Variants in FRMD6 observed in about 807,000 individuals in gnomAD.
The protein encoded by FRMD6 is FERM domain-containing protein 6.
Under a neutral mutation model 73.2 loss-of-function variants are expected in FRMD6, and 37 were observed. That is an observed-to-expected ratio of 0.51 (90% CI 0.39 to 0.66). The LOEUF (loss-of-function observed/expected upper bound fraction) is 0.66, where lower values mean the gene tolerates loss of function less well. Ranked by LOEUF, FRMD6 falls within the 30% of genes least tolerant of loss-of-function variation. FRMD6 has a pLI of 0.00. For synonymous variants in FRMD6, 273 were observed against 282.2 expected (o/e 0.97, Z 0.33); for missense variants, 714 against 780.5 (o/e 0.91, Z 1.02).
In FRMD6 at chr14:51,702,858, T is replaced by C. The variant is rs1178173261; in HGVS notation, c.371+270T>C. 3.9e-5 allele frequency among the ~76,000 whole-genome samples: 6 copies of C among 151,958 alleles called. No homozygotes were observed. The East Asian group carries it at 1.2e-3, about 29-fold the overall frequency. ...TATTAACAGTATCTATTGGCCCACA[T>C]TTTCTCCACTCCACGTTTTCATAAC... On this transcript the variant is annotated intron_variant, in intron 5 of 13. Transcript: ENST00000344768.
At chr14:51,515,784 C>T (rs1315718158) in intron 1 of FRMD6, among the ~76,000 whole-genome samples, 1 of 143,216 alleles carries the variant, frequency 7.0e-6, no homozygotes, top group African/African-American at 2.6e-5. Context: ...TCAGGGAGAA[C>T]CATTGAGGAA....
chr14:51,449,409 A>G, the FRMD6 span, among the ~76,000 whole-genome samples: 1 of 152,252 alleles, frequency 6.6e-6, no homozygotes, highest in Non-Finnish European at 1.5e-5. Context: ...TGCACAGTGG[A>G]TTTTCCCATC....
At chr14:51,517,097 T>C (rs977621516) in intron 1 of FRMD6, among the ~76,000 whole-genome samples, 2 of 152,266 alleles carry the variant, frequency 1.3e-5, no homozygotes, top group African/African-American at 4.8e-5. Flanking sequence ...TGTTGTATAC[T>C]TTAAGTGTTA....
chr14:51,411,649 T>A, the FRMD6 span, among the ~76,000 whole-genome samples: 2 of 152,242 alleles, frequency 1.3e-5, no homozygotes, highest in Non-Finnish European at 2.9e-5. Context: ...TTTGAATGAG[T>A]CTCTGTTCTC....
At chr14:51,456,578 T>G in the FRMD6 span, among the ~76,000 whole-genome samples, 1 of 152,176 alleles carries the variant, frequency 6.6e-6, no homozygotes, top group African/African-American at 2.4e-5. Context: ...TAATGACCAG[T>G]GATGATGAAC....
At chr14:51,623,205 G>A (rs1246034206) in intron 2 of FRMD6, among the ~76,000 whole-genome samples, 2 of 152,320 alleles carry the variant, frequency 1.3e-5, no homozygotes, top group East Asian at 1.9e-4. Flanking sequence ...AAAGGAATAG[G>A]TGGTTGTTAA....
At chr14:51,675,375 G>T (rs1894314844) in intron 1 of FRMD6, among the ~76,000 whole-genome samples, 1 of 152,100 alleles carries the variant, frequency 6.6e-6, no homozygotes, top group Admixed American at 6.6e-5. Context: ...CTCCACAGGG[G>T]AACTGTAGAT....
intron 1 of FRMD6, among the ~76,000 whole-genome samples, chr14:51,654,317 C>T (rs1342848952): frequency 7.5e-6 from 1 of 132,570 alleles, no homozygotes; most frequent in African/African-American, 2.9e-5. Context: ...GGGGGGGGGT[C>T]TTTTTGTAGT....
intron 1 of FRMD6, among the ~76,000 whole-genome samples, chr14:51,530,634 C>A (rs1243432960): frequency 8.4e-6 from 1 of 119,192 alleles, no homozygotes; most frequent in African/African-American, 3.4e-5. Flanking sequence ...GCATGCACCA[C>A]CACACCCAGC....
the FRMD6 span, among the ~76,000 whole-genome samples, chr14:51,474,813 A>G: frequency 6.6e-6 from 1 of 152,256 alleles, no homozygotes; most frequent in African/African-American, 2.4e-5. Context: ...TGTTTTGTTC[A>G]CAGCGTGACT....
intron 1 of FRMD6, among the ~76,000 whole-genome samples, chr14:51,688,228 C>T (rs1386096967): frequency 6.6e-6 from 1 of 151,992 alleles, no homozygotes; most frequent in East Asian, 1.9e-4. Context: ...CCAATGACCC[C>T]ATGAGGTGAT....
intron 1 of FRMD6, among the ~76,000 whole-genome samples, chr14:51,684,754 T>TTTAAAAA (rs1895035925): frequency 6.6e-6 from 1 of 152,120 alleles, no homozygotes; most frequent in Non-Finnish European, 1.5e-5. Context: ...GCCCAAAATG[T>TTTAAAAA]CAGTAGTGGC....
At chr14:51,695,771 AT>A (rs1429603129) in intron 2 of FRMD6, among the ~76,000 whole-genome samples, 1 of 152,116 alleles carries the variant, frequency 6.6e-6, no homozygotes, top group Non-Finnish European at 1.5e-5. Flanking sequence ...GGTCTTAAAT[AT>A]CTTCTGCTCT....
intron 1 of FRMD6, among the ~76,000 whole-genome samples, chr14:51,557,547 T>A (rs1596594931): frequency 6.6e-6 from 1 of 152,072 alleles, no homozygotes; most frequent in Non-Finnish European, 1.5e-5. Flanking sequence ...GTTCTTCAAA[T>A]GATACACAAT....
intron 11 of FRMD6, among the ~76,000 whole-genome samples, chr14:51,721,720 G>A (rs12877997): frequency 0.3 from 35,179 of 115,532 alleles, 5,381 homozygotes; most frequent in African/African-American, 0.39. Context: ...GGAAGGAAGG[G>A]AGGGAGGAAG....
chr14:51,549,911 T>G (rs141574052), intron 1 of FRMD6, among the ~76,000 whole-genome samples: 1,642 of 152,310 alleles, frequency 0.011, 14 homozygotes, highest in Admixed American at 0.028. Context: ...AGTATAAACC[T>G]TTTAAAGGCA....
At chr14:51,509,974 G>A (rs1012526429) in intron 1 of FRMD6, among the ~76,000 whole-genome samples, 3 of 152,172 alleles carry the variant, frequency 2.0e-5, no homozygotes, top group Non-Finnish European at 4.4e-5. Context: ...CAATGGAGGC[G>A]GTCCAAGATT....
chr14:51,708,002 C>T (rs1896726217), intron 6 of FRMD6, 76 bp from the exon 7 acceptor site: 9 of 1,401,942 alleles, frequency 6.4e-6, no homozygotes, highest in Non-Finnish European at 8.0e-6. Flanking sequence ...CTCATTCTTT[C>T]ATCATTTTGG....
chr14:51,646,081 G>A (rs1047821080), intron 2 of FRMD6, among the ~76,000 whole-genome samples: 2 of 151,866 alleles, frequency 1.3e-5, no homozygotes, highest in East Asian at 3.9e-4. Flanking sequence ...CACTTTGGGA[G>A]GCCCAGGCAG....
Sources: allele counts gnomAD v4.1 joint callset (sites outside exome capture counted in the v4.1 genomes callset), GRCh38; gene constraint gnomAD v4.1.1; transcripts MANE v1.5; gene names NCBI Gene and HGNC (gene_info 2026-07-23, HGNC 2026-07-21).